Variants in AFF3 observed in about 807,000 individuals in gnomAD.
AFF3 encodes ALF transcription elongation factor 3.
AFF3 carries 32 observed loss-of-function variants against 129.7 expected under a neutral mutation model. The ratio of observed to expected loss-of-function variants is 0.25; its 90% CI spans 0.19 to 0.33. The LOEUF (loss-of-function observed/expected upper bound fraction) is 0.33. Ranked by LOEUF, AFF3 falls within the 10% of genes least tolerant of loss-of-function variation. AFF3 has a pLI of 1.00. For missense variants in AFF3, 1,373 were observed against 1,592.0 expected (o/e 0.86, Z 2.34); for synonymous variants, 644 against 635.4 (o/e 1.01, Z -0.20).
At chr2:99,728,232 C>T (rs917739134) in intron 10 of AFF3, among the ~76,000 whole-genome samples, 4 of 152,190 alleles carry the variant, frequency 2.6e-5, no homozygotes, top group African/African-American at 7.2e-5. Context: ...GAAGAAGTCA[C>T]TGATAACTGA....
chr2:99,864,272 G>C (rs533965636), intron 7 of AFF3, among the ~76,000 whole-genome samples: 1 of 152,212 alleles, frequency 6.6e-6, no homozygotes, highest in African/African-American at 2.4e-5. Flanking sequence ...TGATCCCACT[G>C]GTGGACCTCC....
Position 99,853,129 on chromosome 2 carries a change from T to C in AFF3, c.874-15605A>G, listed in dbSNP as rs1690271233. On this transcript the variant is annotated intron_variant, in intron 7 of 24. Transcript: ENST00000672756. ...GAAAAGGCTCTGAAAGAAATGATGT[T>C]TGAAATCATTAAAAAAATAACATGT... Among the ~76,000 whole-genome samples the C allele has an allele frequency of 2.0e-5, 3 of 152,300 alleles. No homozygotes were observed. In the South Asian group the frequency reaches 6.2e-4, roughly 32 times the overall value.
chr2:99,928,241 T>C (rs527441756), intron 7 of AFF3, among the ~76,000 whole-genome samples: 1 of 152,304 alleles, frequency 6.6e-6, no homozygotes, highest in East Asian at 1.9e-4. Flanking sequence ...GTGGGGCAGA[T>C]GTACTAATAT....
intron 17 of AFF3, 52 bp downstream of exon 17, chr2:99,582,746 G>C: frequency 6.3e-7 from 1 of 1,578,878 alleles, no homozygotes; most frequent in Non-Finnish European, 8.7e-7. Context: ...AGAGCTTGGG[G>C]GTGCTCAATT....
intron 8 of AFF3, among the ~76,000 whole-genome samples, chr2:99,758,521 G>C (rs1575890133): frequency 6.6e-6 from 1 of 150,590 alleles, no homozygotes; most frequent in East Asian, 2.0e-4. Context: ...GGGAGGCAGA[G>C]GTTGCAGTGA....
chr2:99,577,106 CAT>C (rs1677071536), intron 18 of AFF3, among the ~76,000 whole-genome samples: 1 of 152,186 alleles, frequency 6.6e-6, no homozygotes. Flanking sequence ...GGAATGTGTT[CAT>C]TTAACAAAAC....
chr2:99,696,445 G>C (rs1232059728), intron 11 of AFF3, among the ~76,000 whole-genome samples: 1 of 152,042 alleles, frequency 6.6e-6, no homozygotes, highest in African/African-American at 2.4e-5. Context: ...TCTAATGCAG[G>C]GTGTGCATCG....
chr2:99,788,900 T>C (rs1052942673), intron 8 of AFF3, among the ~76,000 whole-genome samples: 3 of 152,208 alleles, frequency 2.0e-5, no homozygotes, highest in Non-Finnish European at 4.4e-5. Context: ...TAGTTATCAT[T>C]GTGGCACGAT....
intron 8 of AFF3, among the ~76,000 whole-genome samples, chr2:99,772,245 A>C (rs766608788): frequency 1.4e-4 from 21 of 152,204 alleles, no homozygotes; most frequent in Non-Finnish European, 2.8e-4. Context: ...CAGGGAAGGC[A>C]AATGGGGAGC....
chr2:99,826,411 T>C (rs1434462466), intron 8 of AFF3, among the ~76,000 whole-genome samples: 1 of 152,220 alleles, frequency 6.6e-6, no homozygotes, highest in Non-Finnish European at 1.5e-5. Context: ...AGAAAGACCA[T>C]TACATATTAA....
At chr2:99,946,422 C>T (rs1317084669) in intron 7 of AFF3, among the ~76,000 whole-genome samples, 2 of 138,756 alleles carry the variant, frequency 1.4e-5, no homozygotes, top group East Asian at 2.1e-4. Flanking sequence ...TGCAGTGAGC[C>T]GCAATCACAC....
At chr2:99,710,391 G>C (rs577460679) in intron 11 of AFF3, among the ~76,000 whole-genome samples, 3 of 152,090 alleles carry the variant, frequency 2.0e-5, no homozygotes, top group Non-Finnish European at 4.4e-5. Context: ...CAAGTAGCTG[G>C]GATTACAGGC....
intron 4 of AFF3, among the ~76,000 whole-genome samples, chr2:100,098,992 C>T (rs1690499004): frequency 7.7e-6 from 1 of 129,600 alleles, no homozygotes. Context: ...GGCTTTGCCT[C>T]CTCGTACCTG....
chr2:99,709,819 A>C (rs770191506), intron 11 of AFF3, among the ~76,000 whole-genome samples: 25 of 152,224 alleles, frequency 1.6e-4, no homozygotes, highest in Non-Finnish European at 3.2e-4. Flanking sequence ...AAAGCCAATT[A>C]ATCGAACTTG....
intron 11 of AFF3, among the ~76,000 whole-genome samples, chr2:99,724,122 T>G (rs1245213906): frequency 1.3e-5 from 2 of 152,054 alleles, no homozygotes; most frequent in Admixed American, 6.6e-5. Flanking sequence ...GCTTGCCACT[T>G]AACAAATCCT....
intron 7 of AFF3, among the ~76,000 whole-genome samples, chr2:99,974,756 T>C (rs914495597): frequency 6.6e-6 from 1 of 152,350 alleles, no homozygotes; most frequent in East Asian, 1.9e-4. Context: ...TTGTCATCCA[T>C]GGCAGAAATA....
intron 13 of AFF3, among the ~76,000 whole-genome samples, chr2:99,628,153 G>A (rs527398343): frequency 6.6e-6 from 1 of 152,204 alleles, no homozygotes; most frequent in South Asian, 2.1e-4. Context: ...AAATTTCTTT[G>A]GGCAGTATGG....
At chr2:99,797,794 A>AAT (rs1444814570) in intron 8 of AFF3, among the ~76,000 whole-genome samples, 2 of 152,096 alleles carry the variant, frequency 1.3e-5, no homozygotes, top group Admixed American at 6.5e-5. Flanking sequence ...ATAACTCCAA[A>AAT]ATATATATAT....
chr2:99,947,641 T>TAGACAGACAGACAGAC (rs1205022820), intron 7 of AFF3, among the ~76,000 whole-genome samples: 17 of 142,758 alleles, frequency 1.2e-4, no homozygotes, highest in African/African-American at 4.1e-4. Flanking sequence ...GATAGATAGA[T>TAGACAGACAGACAGAC]AGATAGATAG....
Sources: gnomAD v4.1 joint callset for allele counts (sites outside exome capture counted in the v4.1 genomes callset) on GRCh38, gnomAD v4.1.1 for gene constraint, MANE v1.5 for transcripts, NCBI Gene and HGNC (gene_info 2026-07-23, HGNC 2026-07-21) for gene names.